APBB2: variants seen among roughly 807,000 people sequenced by gnomAD.
APBB2 encodes Fe65-like 1.
A neutral mutation model predicts 82.5 loss-of-function variants in APBB2; 38 were observed. The observed-to-expected ratio is 0.46, with a 90% CI of 0.36 to 0.60. The LOEUF (loss-of-function observed/expected upper bound fraction) is 0.60, where lower values mean the gene tolerates loss of function less well. APBB2 is among the 20% of genes least tolerant of loss of function. The probability of loss-of-function intolerance (pLI) is 0.00; values close to 1 mark genes in which losing one functional copy is unlikely to be tolerated. For missense variants in APBB2, 772 were observed against 972.3 expected (o/e 0.79, Z 2.74); for synonymous variants, 341 against 368.2 (o/e 0.93, Z 0.85).
intron 1 of APBB2, among the ~76,000 whole-genome samples, chr4:41,209,796 T>C (rs1778884487): frequency 5.9e-5 from 9 of 152,076 alleles, no homozygotes; most frequent in Admixed American, 5.2e-4. Context: ...TTATAACAAA[T>C]GAAAACTATA....
intron 4 of APBB2, among the ~76,000 whole-genome samples, chr4:41,060,900 C>A (rs1008816795): frequency 6.6e-6 from 1 of 152,144 alleles, no homozygotes; most frequent in Non-Finnish European, 1.5e-5. Context: ...TACTGAATAG[C>A]AATAATACTA....
At chr4:40,853,522 T>TC (rs1194229776) in intron 12 of APBB2, among the ~76,000 whole-genome samples, 52 of 152,000 alleles carry the variant, frequency 3.4e-4, no homozygotes, top group African/African-American at 1.1e-3. Context: ...TGATCTCGGC[T>TC]CACTGCAACC....
chr4:41,057,727 C>G (rs1217458278), intron 4 of APBB2, among the ~76,000 whole-genome samples: 1 of 152,158 alleles, frequency 6.6e-6, no homozygotes, highest in Non-Finnish European at 1.5e-5. Flanking sequence ...GTCCAAGAAC[C>G]TGGAAAAATA....
chr4:40,850,170 T>C (rs1166622603), intron 12 of APBB2, among the ~76,000 whole-genome samples: 1 of 152,040 alleles, frequency 6.6e-6, no homozygotes, highest in Non-Finnish European at 1.5e-5. Context: ...AGACACGGAG[T>C]CTTAGATGCT....
At chr4:40,902,838 C>A (rs975654628) in intron 10 of APBB2, among the ~76,000 whole-genome samples, 2 of 152,196 alleles carry the variant, frequency 1.3e-5, no homozygotes, top group African/African-American at 2.4e-5. Context: ...ACCCAACACC[C>A]AGTTTTTAAT....
At chr4:40,933,107 G>A (rs1440615467) in intron 10 of APBB2, among the ~76,000 whole-genome samples, 4 of 152,190 alleles carry the variant, frequency 2.6e-5, no homozygotes, top group Non-Finnish European at 1.5e-5. Flanking sequence ...CAGGTGATCC[G>A]CCGCCCTCGG....
chr4:41,172,588 A>C (rs1287650483), intron 1 of APBB2, among the ~76,000 whole-genome samples: 1 of 152,114 alleles, frequency 6.6e-6, no homozygotes, highest in Non-Finnish European at 1.5e-5. Flanking sequence ...TGGTTTACAA[A>C]CTCTCATACG....
intron 10 of APBB2, among the ~76,000 whole-genome samples, chr4:40,896,485 G>C (rs1237750023): frequency 6.6e-6 from 1 of 152,206 alleles, no homozygotes; most frequent in African/African-American, 2.4e-5. Context: ...TTGCTCGTTT[G>C]TAAAAATGGG....
At chr4:40,821,454 GATATAA>G (rs1747894937) in intron 17 of APBB2, among the ~76,000 whole-genome samples, 1 of 152,278 alleles carries the variant, frequency 6.6e-6, no homozygotes, top group African/African-American at 2.4e-5. Context: ...TGAGTTAACA[GATATAA>G]ATAAAATATA....
In APBB2 at chr4:40,832,013, T is replaced by TATATACACACACACACAC. The variant is rs777910826; in HGVS notation, c.1530-1437_1530-1436insGTGTGTGTGTGTGTATAT. 8.6e-5 allele frequency among the ~76,000 whole-genome samples: 12 copies of TATATACACACACACACAC among 138,968 alleles called. No individual in the cohort carries two copies. The highest frequency in any genetic ancestry group is 1.6e-4 in the African/African-American group (6 of 37,136). 91.2% of individuals were successfully genotyped at this position (138,968 alleles called of 152,430 possible). On this transcript the variant is annotated intron_variant, in intron 12 of 17. Transcript: ENST00000508593. This position sits in a 1 kb window ranked among gnomAD's most constrained non-coding sequence, Gnocchi z 4.8. ...ACACATATTTATATATTTATTTATA[T>TATATACACACACACACAC]ACACACACACACACACACACACACA...
intron 1 of APBB2, among the ~76,000 whole-genome samples, chr4:41,178,682 C>T (rs1439743313): frequency 6.6e-6 from 1 of 152,176 alleles, no homozygotes; most frequent in Non-Finnish European, 1.5e-5. Context: ...CATAAATTTT[C>T]TCATCTGACC....
chr4:41,022,310 C>G (rs758295016), intron 5 of APBB2, among the ~76,000 whole-genome samples: 1 of 152,124 alleles, frequency 6.6e-6, no homozygotes, highest in Non-Finnish European at 1.5e-5. Context: ...AATGTTCTTG[C>G]GGTGATTCTA....
At chr4:41,052,923 T>C (rs1245738257) in intron 4 of APBB2, among the ~76,000 whole-genome samples, 1 of 151,962 alleles carries the variant, frequency 6.6e-6, no homozygotes, top group Non-Finnish European at 1.5e-5. Context: ...GCCACTGCAC[T>C]GGGCCAATTT....
intron 5 of APBB2, among the ~76,000 whole-genome samples, chr4:41,027,776 A>G (rs1249869029): frequency 2.0e-5 from 3 of 152,246 alleles, no homozygotes; most frequent in Non-Finnish European, 4.4e-5. Context: ...TGAGGAATGA[A>G]TAACCAAAAT....
At chr4:41,053,395 GTTAAA>G (rs1726768251) in intron 4 of APBB2, among the ~76,000 whole-genome samples, 1 of 151,060 alleles carries the variant, frequency 6.6e-6, no homozygotes, top group African/African-American at 2.4e-5. Flanking sequence ...AAAAAAAAAA[GTTAAA>G]TTATTTCTCC....
At chr4:41,063,726 C>G (rs990952284) in intron 4 of APBB2, among the ~76,000 whole-genome samples, 1 of 152,074 alleles carries the variant, frequency 6.6e-6, no homozygotes, top group African/African-American at 2.4e-5. Flanking sequence ...TCACCCACGC[C>G]GGAATGCAGT....
chr4:40,935,960 G>T (rs1279975448), intron 7 of APBB2, among the ~76,000 whole-genome samples: 1 of 152,028 alleles, frequency 6.6e-6, no homozygotes, highest in African/African-American at 2.4e-5. Flanking sequence ...TAGGCCTAGT[G>T]AATATTCAAG....
chr4:40,948,212 G>A (rs924004333), intron 6 of APBB2, among the ~76,000 whole-genome samples: 26 of 152,194 alleles, frequency 1.7e-4, no homozygotes, highest in Admixed American at 8.5e-4. Context: ...GAAGTATGCC[G>A]AGTGAAGACT....
chr4:40,853,457 C>CTT (rs112974904), intron 12 of APBB2, among the ~76,000 whole-genome samples: 5 of 146,328 alleles, frequency 3.4e-5, no homozygotes, highest in African/African-American at 5.0e-5. Context: ...TGCTTTCCTT[C>CTT]TTTTTTTTTT....
Sources: gnomAD v4.1 joint callset for allele counts (sites outside exome capture counted in the v4.1 genomes callset) on GRCh38, gnomAD v4.1.1 for gene constraint, Gnocchi (gnomAD v3.1) non-coding constraint, MANE v1.5 for transcripts, NCBI Gene and HGNC (gene_info 2026-07-23, HGNC 2026-07-21) for gene names.